The following MCAM variants were observed in gnomAD, a reference collection of about 807,000 sequenced individuals.
MCAM encodes cell surface glycoprotein MUC18.
MCAM carries 55 observed loss-of-function variants against 79.1 expected under a neutral mutation model. That is an observed-to-expected ratio of 0.70 (90% confidence interval 0.56 to 0.87). The LOEUF is 0.87. Among genes scored for constraint, MCAM ranks in the 40% least tolerant of loss-of-function variants. The pLI, the probability that MCAM is intolerant of heterozygous loss-of-function variation, is 0.00. For missense variants in MCAM, 745 were observed against 839.8 expected, an observed-to-expected ratio of 0.89 and a Z score of 1.40; for synonymous variants, 330 against 339.8, an observed-to-expected ratio of 0.97 and a Z score of 0.32.
intron 5 of MCAM, chr11:119,313,879 A>G: frequency 1.2e-6 from 1 of 859,946 alleles, no homozygotes; most frequent in Non-Finnish European, 1.4e-6. Context: ...GTACAAAATC[A>G]CCCCTGGTTA....
Position 119,310,206 on chromosome 11 carries a change from C to T in MCAM, c.1911+143G>A. The T allele has an allele frequency of 5.8e-6, 4 of 695,532 alleles. No individual in the cohort carries two copies. In the South Asian group the frequency reaches 6.7e-5, roughly 12 times the overall value. The allele number at this position is 695,532 out of a possible 1,614,324, so 43.1% of individuals were successfully genotyped here. On this transcript the variant is annotated intron_variant, in intron 15 of 15. Coordinates refer to ENST00000264036, the MANE Select transcript of MCAM (RefSeq NM_006500.3). ...TCAGCCACTTGCTTGGCCCTGCCATCTGTGAGTAGTGTTAAGAAGGCAAGA... is the reference window on the plus strand; with the variant it reads ...TCAGCCACTTGCTTGGCCCTGCCATTTGTGAGTAGTGTTAAGAAGGCAAGA...
chr11:119,314,393 A>T, intron 5 of MCAM, 96 bp downstream of exon 5: 1 of 1,099,516 alleles, frequency 9.1e-7, no homozygotes, highest in Non-Finnish European at 1.4e-6. Context: ...TCACCTCCAG[A>T]GATCCTCCTG....
chr11:119,314,866 A>ACC lies in MCAM; in HGVS notation c.365_366dup (p.Ser123GlyfsTer29). On this transcript the variant is annotated frameshift_variant, in exon 3 of 16. Coordinates refer to ENST00000264036, the MANE Select transcript of MCAM (RefSeq NM_006500.3). LOFTEE classifies it high-confidence loss of function. ...CGGAGCTGGATGCGGTACTCCTGGG[A>ACC]CCGAGGGCGCTTGCCCTGGCACAAG... is the stretch of plus-strand genomic sequence containing the variant. The ACC allele has an allele frequency of 6.2e-7, 1 of 1,613,566 alleles. No individual in the cohort carries two copies. The highest frequency in any genetic ancestry group is 8.5e-7 in the Non-Finnish European group (1 of 1,180,016).
In MCAM at chr11:119,310,856, C is replaced by A. The variant is rs750849286; in HGVS notation, c.1693G>T (p.Val565Leu). The change falls in exon 14 of 16, where the codon GTG (valine) becomes TTG (leucine). Residue 565 changes from valine (V) to leucine (L), a missense_variant. Coordinates refer to ENST00000264036, the MANE Select transcript of MCAM (RefSeq NM_006500.3). Reference protein sequence around the residue: ...PESRGVVIVAVIVCILVLAVL... With the variant: ...PESRGVVIVALIVCILVLAVL... ...GCCAGGACCAGGATGCACACAATCA[C>A]AGCCACGATGACCACGCCCCGGCTC... is the stretch of plus-strand genomic sequence containing the variant. The A allele has an allele frequency of 1.2e-6, 2 of 1,614,220 alleles. No individual in the cohort carries two copies. Among genetic ancestry groups the A allele is most frequent in the South Asian group, 2.2e-5 (2 of 91,088 alleles).
intron 5 of MCAM, chr11:119,314,215 G>A: frequency 6.3e-6 from 3 of 479,518 alleles, no homozygotes; most frequent in South Asian, 2.3e-5. Flanking sequence ...GAGTGTGGTG[G>A]TGCAATCCTA....
In MCAM at chr11:119,312,295, A is replaced by G; in HGVS notation, c.995T>C (p.Leu332Pro). ...CACCAGTAGTTCCTGTGGTTCACTCAGCAGCGATATCATGGTGTCCAAGTC... is the reference window on the plus strand; with the variant it reads ...CACCAGTAGTTCCTGTGGTTCACTCGGCAGCGATATCATGGTGTCCAAGTC... ...GLDLDTMISL[L>P]SEPQELLVNY... The change falls in exon 8 of 16, where the codon CTG becomes CCG. Residue 332 changes from leucine (L) to proline (P), a missense_variant. Transcript: ENST00000264036. The surrounding 1 kb of genome is among the most constrained non-coding windows in gnomAD (Gnocchi z 4.9). 1 of 1,614,072 alleles carries G rather than the reference A, an allele frequency of 6.2e-7. No homozygotes were observed. Among genetic ancestry groups the G allele is most frequent in the Non-Finnish European group, 8.5e-7 (1 of 1,180,006 alleles).
rs1202808157 is a variant in MCAM at position 119,311,432 on chromosome 11, AG to A, written c.1408-12del. 2 of 1,614,028 alleles carry A rather than the reference AG, an allele frequency of 1.2e-6. No individual in the cohort carries two copies. Among genetic ancestry groups the A allele is most frequent in the South Asian group, 2.2e-5 (2 of 91,080 alleles). On this transcript the variant is annotated splice_polypyrimidine_tract_variant and intron_variant, in intron 11 of 15. Transcript: ENST00000264036. This position sits in a 1 kb window ranked among gnomAD's most constrained non-coding sequence, Gnocchi z 4.4. ...GTCTTGTTCACTTGCCTGCGAGGAA[AG>A]GAAGGAGGCAGCTCAGGGGATGGGG...
rs140575559 is a variant in MCAM at position 119,311,576 on chromosome 11, G to A, written c.1361C>T (p.Ala454Val). ...GATGGTGGGCCGGGGGTGCCCTGAC[G>A]CTTCACAAGACAGATTCAACACCAT... ...ENMVLNLSCE[A>V]SGHPRPTISW... Residue 454 changes from alanine to valine, a missense_variant, in exon 11 of 16, where the codon GCG becomes GTG. Physicochemically the swap from Ala to Val is moderately conservative, Grantham distance 64 (BLOSUM62 0). Coordinates refer to ENST00000264036, the MANE Select transcript of MCAM (RefSeq NM_006500.3). The surrounding 1 kb of genome is among the most constrained non-coding windows in gnomAD (Gnocchi z 4.4). The A allele has an allele frequency of 2.4e-5, 39 of 1,613,950 alleles. No homozygotes were observed. The highest frequency in any genetic ancestry group is 2.6e-5 in the Non-Finnish European group (31 of 1,180,008).
rs781498564 is a variant in MCAM at position 119,311,509 on chromosome 11, G to A, written c.1407+21C>T. The A allele has an allele frequency of 6.2e-7, 1 of 1,613,988 alleles. No homozygotes were observed. The highest frequency in any genetic ancestry group is 8.5e-7 in the Non-Finnish European group (1 of 1,180,002). On this transcript the variant is annotated intron_variant, in intron 11 of 15. Coordinates refer to ENST00000264036, the MANE Select transcript of MCAM (RefSeq NM_006500.3). This position sits in a 1 kb window ranked among gnomAD's most constrained non-coding sequence, Gnocchi z 4.4. Reference sequence around the variant, plus strand: ...CGCAGGCAGGGATTAGGAGAGTGTGGCAGATGAGACACCCGCTCACCGTGC... The same window carrying A: ...CGCAGGCAGGGATTAGGAGAGTGTGACAGATGAGACACCCGCTCACCGTGC...
chr11:119,311,877 G>A lies in MCAM; in HGVS notation c.1216C>T (p.Arg406Cys), dbSNP rs148112558. Residue 406 changes from arginine to cysteine, a missense_variant, in exon 10 of 16, where the codon CGC becomes TGC. By Grantham distance (180) the Arg-to-Cys change is radical. Coordinates refer to ENST00000264036, the MANE Select transcript of MCAM (RefSeq NM_006500.3). This position sits in a 1 kb window ranked among gnomAD's most constrained non-coding sequence, Gnocchi z 4.4. ...DLKREAGGGY[R>C]CVASVPSIPG... Reference sequence around the variant, plus strand: ...ATGCTGGGCACAGACGCCACGCAGCGATAGCCGCCTCCTGCCTCCCGTTTC... The same window carrying A: ...ATGCTGGGCACAGACGCCACGCAGCAATAGCCGCCTCCTGCCTCCCGTTTC... 779 of 1,614,116 alleles carry A rather than the reference G, an allele frequency of 4.8e-4. 8 individuals are homozygous for A. In the East Asian group the frequency reaches 0.011, roughly 23 times the overall value.
chr11:119,308,770 T>C lies in MCAM; in HGVS notation c.*1116A>G, dbSNP rs1014296009. On this transcript the variant is annotated 3_prime_UTR_variant, in exon 16 of 16. Transcript: ENST00000264036. ...TAGGGTTGGGGCCCTGAGCTTGGTT[T>C]GTAGAAGTTTGGTGCTAATATAACC... 2 of 152,096 alleles carry C rather than the reference T, an allele frequency of 1.3e-5. No homozygotes were observed. Among genetic ancestry groups the C allele is most frequent in the African/African-American group, 4.8e-5 (2 of 41,426 alleles). 9.4% of individuals were successfully genotyped at this position (152,096 alleles called of 1,614,324 possible). A position where few individuals can be genotyped will look rare whatever the true frequency, so the allele number is the denominator to read the frequency against.
chr11:119,313,307 C>A (rs1031311965), intron 5 of MCAM: 1 of 1,325,418 alleles, frequency 7.5e-7, no homozygotes, highest in Non-Finnish European at 9.9e-7. Context: ...TCTAAATAGA[C>A]TGACCCAGAA....
chr11:119,315,106 C>CCGGG lies in MCAM; in HGVS notation c.192+29_192+32dup. 1.2e-6 allele frequency: 2 copies of CCGGG among 1,612,798 alleles called. No homozygotes were observed. The highest frequency in any genetic ancestry group is 1.1e-5 in the South Asian group (1 of 91,078). ...TACAAGAGGGGCAGAGTCTCCCTCC[C>CCGGG]CGGGCTGCTCTTGCAGGAGCCCAAG... is the stretch of plus-strand genomic sequence containing the variant. On this transcript the variant is annotated intron_variant, in intron 2 of 15. Transcript: ENST00000264036. The surrounding 1 kb of genome is among the most constrained non-coding windows in gnomAD (Gnocchi z 4.4).
Position 119,309,678 on chromosome 11 carries a change from GAT to G in MCAM, c.*206_*207del. The G allele has an allele frequency of 1.7e-6, 1 of 580,688 alleles. No individual in the cohort carries two copies. The highest frequency in any genetic ancestry group is 2.8e-5 in the East Asian group (1 of 35,184). 36.0% of individuals were successfully genotyped at this position (580,688 alleles called of 1,614,324 possible). A position where few individuals can be genotyped will look rare whatever the true frequency, so the allele number is the denominator to read the frequency against. On this transcript the variant is annotated 3_prime_UTR_variant, in exon 16 of 16. Transcript: ENST00000264036. ...GATGAGCTTCACTCAACGTGGAGGA[GAT>G]GGTGGTGGACTGGTCCCTGAAAAGC...
intron 14 of MCAM, 40 bp downstream of exon 14, chr11:119,310,716 G>A (rs1157179698): frequency 6.3e-7 from 1 of 1,597,560 alleles, no homozygotes; most frequent in East Asian, 2.2e-5. Flanking sequence ...AGGCTGGGTG[G>A]CAAAACGGGC....
At position 119,316,016 on chromosome 11, in the gene MCAM, T is replaced by TG. The variant is rs1163693447; in HGVS notation, c.68-754dup. The TG allele has an allele frequency of 1.3e-5, 2 of 152,442 alleles. No homozygotes were observed. The highest frequency in any genetic ancestry group is 4.8e-5 in the African/African-American group (2 of 41,444). The allele number at this position is 152,442 out of a possible 1,614,324, so 9.4% of individuals were successfully genotyped here. The stretch of plus-strand genomic sequence containing the variant: ...TCGGACAAGGAGGGCAGGTGGAAGG[T>TG]GGGGTCTCCAACCCAGAGCCTCAGA... On this transcript the variant is annotated intron_variant, in intron 1 of 15. Coordinates refer to ENST00000264036, the MANE Select transcript of MCAM (RefSeq NM_006500.3). The surrounding 1 kb of genome is among the most constrained non-coding windows in gnomAD (Gnocchi z 4.8).
Position 119,309,891 on chromosome 11 carries a change from G to A in MCAM, c.1936C>T (p.His646Tyr), listed in dbSNP as rs768090855. Residue 646 changes from histidine (H) to tyrosine (Y), a missense_variant, in exon 16 of 16, where the codon CAT (histidine) becomes TAT (tyrosine). Transcript: ENST00000264036. ...GGAGCTGAAGTGATTCGGGGCTAATGCCTCAGATCGATGTATTTCTCTCCC... is the reference window on the plus strand; with the variant it reads ...GGAGCTGAAGTGATTCGGGGCTAATACCTCAGATCGATGTATTTCTCTCCC... ...DQGEKYIDLR[H>Y] 3 of 1,600,808 alleles carry A rather than the reference G, an allele frequency of 1.9e-6. No individual in the cohort carries two copies. The highest frequency in any genetic ancestry group is 2.6e-6 in the Non-Finnish European group (3 of 1,173,718).
At chr11:119,309,984 GGAAGGAGA>G in intron 15 of MCAM, 69 bp from the exon 16 acceptor site, 1 of 1,311,076 alleles carries the variant, frequency 7.6e-7, no homozygotes, top group Non-Finnish European at 1.1e-6. Flanking sequence ...AGCACCGAGA[GGAAGGAGA>G]GATGGAAGCA....
Position 119,309,602 on chromosome 11 carries a change from T to C in MCAM, c.*284A>G, listed in dbSNP as rs1211106723. On this transcript the variant is annotated 3_prime_UTR_variant, in exon 16 of 16. Coordinates refer to ENST00000264036, the MANE Select transcript of MCAM (RefSeq NM_006500.3). The stretch of plus-strand genomic sequence containing the variant: ...ATAATGTGTGTAAAGAAAAAACACG[T>C]TCTGCAAGAAACTCTCCTACCCGCT... 10 of 512,322 alleles carry C rather than the reference T, an allele frequency of 2.0e-5. No individual in the cohort carries two copies. Among genetic ancestry groups the C allele is most frequent in the Admixed American group, 3.5e-5 (1 of 28,840 alleles). The allele number at this position is 512,322 out of a possible 1,614,324, so 31.7% of individuals were successfully genotyped here.
Sources: allele counts gnomAD v4.1 joint callset, GRCh38; gene constraint gnomAD v4.1.1; non-coding constraint Gnocchi (gnomAD v3.1); transcripts MANE v1.5; gene names NCBI Gene and HGNC (gene_info 2026-07-23, HGNC 2026-07-21).